The following ABCB10 variants were observed in gnomAD, a reference collection of about 807,000 sequenced individuals.
ABCB10 encodes the protein ATP binding cassette subfamily B member 10, also known as ATP-binding cassette sub-family B member 10, mitochondrial.
Under a neutral mutation model 65.4 loss-of-function variants are expected in ABCB10, and 54 were observed. The observed-to-expected ratio is 0.83, with a 90% CI of 0.66 to 1.04. The LOEUF is 1.04. Among genes scored for constraint, ABCB10 ranks in the 50% least tolerant of loss-of-function variants. ABCB10 has a pLI of 0.00. For synonymous variants in ABCB10, 418 were observed against 406.5 expected, an observed-to-expected ratio of 1.03 and a Z score of -0.34; for missense variants, 846 against 976.6, an observed-to-expected ratio of 0.87 and a Z score of 1.78.
In ABCB10 at chr1:229,518,126, C is replaced by T; in HGVS notation, c.*53G>A. On this transcript the variant is annotated 3_prime_UTR_variant, in exon 13 of 13. Coordinates refer to ENST00000344517, the MANE Select transcript of ABCB10 (RefSeq NM_012089.3). ...ATTTCATAGTCTCTGAGTTTTTTTT[C>T]TGCAACACTGTTTTGCATTAAAGTC... 3 of 1,359,254 alleles carry T rather than the reference C, an allele frequency of 2.2e-6. No homozygotes were observed. Among genetic ancestry groups the T allele is most frequent in the Admixed American group, 3.8e-5 (2 of 52,072 alleles). The allele number at this position is 1,359,254 out of a possible 1,614,324, so 84.2% of individuals were successfully genotyped here. A position where few individuals can be genotyped will look rare whatever the true frequency, so the allele number is the denominator to read the frequency against.
chr1:229,557,932 A>G (rs1370244615), intron 1 of ABCB10, among the ~76,000 whole-genome samples: 1 of 152,220 alleles, frequency 6.6e-6, no homozygotes, highest in South Asian at 2.1e-4. Flanking sequence ...TAAAATCTGC[A>G]AACGAGTCCC....
At chr1:229,534,307 T>G (rs1374555455) in intron 6 of ABCB10, among the ~76,000 whole-genome samples, 1 of 152,196 alleles carries the variant, frequency 6.6e-6, no homozygotes, top group Non-Finnish European at 1.5e-5. Context: ...ACAAGAACTC[T>G]CATTCCTTGC....
intron 1 of ABCB10, among the ~76,000 whole-genome samples, chr1:229,551,875 T>C (rs188881337): frequency 4.6e-4 from 70 of 152,352 alleles, no homozygotes; most frequent in Admixed American, 1.8e-3. Flanking sequence ...TCTCTGTTCT[T>C]TCGCCTCAGT....
rs753347027 is a variant in ABCB10, at chr1:229,525,958, T to G, written c.1884A>C (p.Gly628=). ...CACCTGAGAGGAGAACACCCTTTTC[T>G]CCAACCACAGTGTTGAACCCTTGGG... is the stretch of plus-strand genomic sequence containing the variant. ...NFPQGFNTVV[G]EKGVLLSGGQ... The change falls in exon 10 of 13, where the codon GGA becomes GGC. Residue 628 remains glycine (G), a synonymous_variant. Transcript: ENST00000344517. The G allele has an allele frequency of 6.2e-7, 1 of 1,613,794 alleles. No individual in the cohort carries two copies. Among genetic ancestry groups the G allele is most frequent in the Admixed American group, 1.7e-5 (1 of 59,930 alleles).
chr1:229,521,319 T>C (rs1331399628), intron 11 of ABCB10, among the ~76,000 whole-genome samples: 22 of 152,190 alleles, frequency 1.4e-4, no homozygotes, highest in Admixed American at 1.4e-3. Context: ...CTAGACTGTA[T>C]GCTTCTTGAT....
intron 3 of ABCB10, among the ~76,000 whole-genome samples, chr1:229,544,145 G>C (rs1662913554): frequency 6.6e-6 from 1 of 152,220 alleles, no homozygotes; most frequent in African/African-American, 2.4e-5. Flanking sequence ...TAGGCATAGT[G>C]GCTCACGTCT....
chr1:229,550,872 AAAAG>A (rs545242813), intron 1 of ABCB10, among the ~76,000 whole-genome samples: 365 of 152,132 alleles, frequency 2.4e-3, no homozygotes, highest in African/African-American at 8.6e-3. Flanking sequence ...TCAAAAAAAA[AAAAG>A]AAAAGAAAAG....
chr1:229,549,221 G>A lies in ABCB10; in HGVS notation c.718+13C>T, dbSNP rs372695522. 4.3e-5 allele frequency: 69 copies of A among 1,613,766 alleles called. No individual in the cohort carries two copies. The highest frequency in any genetic ancestry group is 5.5e-5 in the Non-Finnish European group (65 of 1,179,832). On this transcript the variant is annotated intron_variant, in intron 2 of 12. Coordinates refer to ENST00000344517, the MANE Select transcript of ABCB10 (RefSeq NM_012089.3). The stretch of plus-strand genomic sequence containing the variant: ...TCAGGATGACTCACATCCCTGAGAG[G>A]AGAGACTGTTACCTGAAGTTTGCAT...
intron 6 of ABCB10, among the ~76,000 whole-genome samples, chr1:229,532,429 T>C (rs1662607248): frequency 6.6e-6 from 1 of 152,112 alleles, no homozygotes; most frequent in Admixed American, 6.5e-5. Context: ...AAATATAAAA[T>C]ACTTCAATGT....
chr1:229,557,513 T>C (rs1435613815), intron 1 of ABCB10, among the ~76,000 whole-genome samples: 3 of 152,246 alleles, frequency 2.0e-5, no homozygotes, highest in African/African-American at 4.8e-5. Context: ...TGAGGAGCTA[T>C]AGAAAACTGT....
intron 3 of ABCB10, among the ~76,000 whole-genome samples, chr1:229,545,594 G>C (rs968082148): frequency 3.3e-5 from 5 of 152,166 alleles, no homozygotes; most frequent in South Asian, 4.1e-4. Flanking sequence ...AGTATGTCTG[G>C]AAAACTTGAG....
chr1:229,518,748 G>T (rs1662234734), intron 12 of ABCB10, 93 bp downstream of exon 12: 2 of 1,093,592 alleles, frequency 1.8e-6, no homozygotes, highest in Non-Finnish European at 2.7e-6. Context: ...ATTTTCAGTT[G>T]TATCACTTTG....
At chr1:229,546,871 G>A (rs185203513) in intron 3 of ABCB10, among the ~76,000 whole-genome samples, 27 of 152,034 alleles carry the variant, frequency 1.8e-4, no homozygotes, top group African/African-American at 6.3e-4. Context: ...GTAACAGAGT[G>A]AGACTGTCTC....
In ABCB10 at chr1:229,521,154, G is replaced by A. The variant is rs1027486027; in HGVS notation, c.1950+438C>T. 7.9e-5 allele frequency among the ~76,000 whole-genome samples: 12 copies of A among 151,932 alleles called. No individual in the cohort carries two copies. In the South Asian group the frequency reaches 2.1e-3, roughly 26 times the overall value. On this transcript the variant is annotated intron_variant, in intron 11 of 12. Coordinates refer to ENST00000344517, the MANE Select transcript of ABCB10 (RefSeq NM_012089.3). ...TTGCTTCCTTAAAAAGAGAATGCCC[G>A]CCTTTCAGCTAAAATGGCTCTTCCC...
At chr1:229,529,380 T>TTAATCAC (rs1662526027) in intron 8 of ABCB10, among the ~76,000 whole-genome samples, 1 of 132,156 alleles carries the variant, frequency 7.6e-6, no homozygotes, top group Admixed American at 8.1e-5. Context: ...CACATAGAAG[T>TTAATCAC]TAATCACTGG....
chr1:229,526,533 C>T (rs1053657736), intron 9 of ABCB10, among the ~76,000 whole-genome samples: 2 of 152,092 alleles, frequency 1.3e-5, no homozygotes, highest in African/African-American at 4.8e-5. Flanking sequence ...CTCTTTTCTC[C>T]ATCCCTAATC....
Position 229,558,333 on chromosome 1 carries a change from C to A in ABCB10, c.320G>T (p.Gly107Val). 2.4e-6 allele frequency: 3 copies of A among 1,255,770 alleles called. No individual in the cohort carries two copies. Among genetic ancestry groups the A allele is most frequent in the Non-Finnish European group, 3.0e-6 (3 of 990,424 alleles). The allele number at this position is 1,255,770 out of a possible 1,614,324, so 77.8% of individuals were successfully genotyped here. A position where few individuals can be genotyped will look rare whatever the true frequency, so the allele number is the denominator to read the frequency against. The change falls in exon 1 of 13, where the codon GGG becomes GTG. Residue 107 changes from glycine (G) to valine (V), a missense_variant. Physicochemically the swap from Gly to Val is moderately radical, Grantham distance 109. Transcript: ENST00000344517. ...PGSCRCGAFAGPGAPRLPRAR... is the reference protein window; with the variant it reads ...PGSCRCGAFAVPGAPRLPRAR... ...GCGCGGGAGCCGAGGAGCGCCTGGC[C>A]CGGCAAAAGCCCCGCACCTGCAGCT... is the stretch of plus-strand genomic sequence containing the variant.
intron 7 of ABCB10, 32 bp from the exon 8 acceptor site, chr1:229,530,440 C>T (rs1662556646): frequency 1.2e-6 from 2 of 1,608,978 alleles, no homozygotes; most frequent in Non-Finnish European, 1.7e-6. Flanking sequence ...TAATTACTTA[C>T]AGCAAAAAAT....
chr1:229,543,130 C>CAAAAAA (rs35652910), intron 3 of ABCB10, among the ~76,000 whole-genome samples: 1 of 62,430 alleles, frequency 1.6e-5, no homozygotes, highest in Admixed American at 1.6e-4. Flanking sequence ...AACTCCATCT[C>CAAAAAA]AAAAAAAAAA....
Sources: gnomAD v4.1 joint callset for allele counts (sites outside exome capture counted in the v4.1 genomes callset) on GRCh38, gnomAD v4.1.1 for gene constraint, MANE v1.5 for transcripts, NCBI Gene and HGNC (gene_info 2026-07-23, HGNC 2026-07-21) for gene names.